Variants in PTPRR observed in about 807,000 individuals in gnomAD.
The protein encoded by PTPRR is protein tyrosine phosphatase receptor type R.
PTPRR carries 38 observed loss-of-function variants against 77.2 expected under a neutral mutation model. That is an observed-to-expected ratio of 0.49 (90% confidence interval 0.38 to 0.65). The LOEUF (loss-of-function observed/expected upper bound fraction) is 0.65, where lower values mean the gene tolerates loss of function less well. Ranked by LOEUF, PTPRR falls within the 30% of genes least tolerant of loss-of-function variation. PTPRR has a pLI of 0.00. For missense variants in PTPRR, 744 were observed against 799.2 expected (o/e 0.93, Z 0.83); for synonymous variants, 299 against 283.1 (o/e 1.06, Z -0.57).
chr12:70,850,083 T>G (rs1892546796), intron 2 of PTPRR, among the ~76,000 whole-genome samples: 1 of 152,162 alleles, frequency 6.6e-6, no homozygotes, highest in Non-Finnish European at 1.5e-5. Flanking sequence ...ATTTTCTGGC[T>G]GGGCATGGTG....
chr12:70,665,364 CTTTTTTTTTTTTTTTTTTTTTT>C (rs72472808), intron 10 of PTPRR, among the ~76,000 whole-genome samples: 4 of 44,560 alleles, frequency 9.0e-5, no homozygotes, highest in South Asian at 1.3e-3. Context: ...AATGCAAATT[CTTTTTTTTTTTTTTTTTTTTTT>C]TTTTTTTTTT....
At chr12:70,847,775 A>T (rs1892508984) in intron 2 of PTPRR, among the ~76,000 whole-genome samples, 1 of 152,202 alleles carries the variant, frequency 6.6e-6, no homozygotes, top group South Asian at 2.1e-4. Context: ...CCAGATGGAC[A>T]CTTAGAGGTT....
At chr12:70,709,747 C>T (rs746228972) in intron 6 of PTPRR, among the ~76,000 whole-genome samples, 6 of 152,014 alleles carry the variant, frequency 3.9e-5, no homozygotes, top group Non-Finnish European at 8.8e-5. Context: ...ACAATTGCCC[C>T]AAAAGGATAA....
intron 10 of PTPRR, among the ~76,000 whole-genome samples, chr12:70,665,218 G>GA (rs1024617286): frequency 2.0e-5 from 3 of 151,868 alleles, no homozygotes; most frequent in African/African-American, 7.3e-5. Context: ...TAATTTGGAA[G>GA]AAAAAAATAG....
At chr12:70,811,328 G>GA (rs1891804622) in intron 2 of PTPRR, among the ~76,000 whole-genome samples, 1 of 152,132 alleles carries the variant, frequency 6.6e-6, no homozygotes, top group African/African-American at 2.4e-5. Flanking sequence ...TCCCAAATGT[G>GA]AAATTCTTTG....
At chr12:70,684,661 A>G (rs1209831326) in intron 9 of PTPRR, 43 bp downstream of exon 9, 1 of 1,327,820 alleles carries the variant, frequency 7.5e-7, no homozygotes, top group African/African-American at 1.5e-5. Context: ...CAACAATTCC[A>G]AATAGGAAGT....
intron 2 of PTPRR, among the ~76,000 whole-genome samples, chr12:70,836,715 C>T (rs186288565): frequency 6.6e-6 from 1 of 151,874 alleles, no homozygotes; most frequent in East Asian, 2.0e-4. Flanking sequence ...CACTCCCACT[C>T]CCACTCTTTG....
chr12:70,780,969 A>G lies in PTPRR; in HGVS notation c.358-16191T>C, dbSNP rs546474598. ...GTAAGCCCAAAGGCATTGTCCCTGCAGGAGAGTGCTGTGGTTTACCATTGC... is the reference window on the plus strand; with the variant it reads ...GTAAGCCCAAAGGCATTGTCCCTGCGGGAGAGTGCTGTGGTTTACCATTGC... On this transcript the variant is annotated intron_variant, in intron 2 of 13. Transcript: ENST00000283228. Among the ~76,000 whole-genome samples, 12 of 152,378 alleles carry G rather than the reference A, an allele frequency of 7.9e-5. No individual in the cohort carries two copies. In the East Asian group the frequency reaches 2.1e-3, roughly 27 times the overall value.
chr12:70,807,262 G>T (rs1891726853), intron 2 of PTPRR, among the ~76,000 whole-genome samples: 1 of 152,202 alleles, frequency 6.6e-6, no homozygotes, highest in African/African-American at 2.4e-5. Context: ...CTCATGTGTA[G>T]ACTTCTTATA....
intron 2 of PTPRR, among the ~76,000 whole-genome samples, chr12:70,808,191 A>T (rs979763951): frequency 7.9e-5 from 12 of 152,122 alleles, no homozygotes; most frequent in Non-Finnish European, 2.9e-5. Flanking sequence ...TGCTAGGATT[A>T]GGAAATTCCA....
At position 70,706,423 on chromosome 12, in the gene PTPRR, G is replaced by T. The variant is rs563128724; in HGVS notation, c.1008-5100C>A. 5.5e-4 allele frequency among the ~76,000 whole-genome samples: 84 copies of T among 152,088 alleles called. 1 individual carries two copies. The highest frequency in any genetic ancestry group is 2.0e-3 in the African/African-American group (82 of 41,530). ...TTCCCAAAGGAAATCCTGAAGGGAAGAAATAATAATAAATATAAAAGATGC... is the reference window on the plus strand; with the variant it reads ...TTCCCAAAGGAAATCCTGAAGGGAATAAATAATAATAAATATAAAAGATGC... On this transcript the variant is annotated intron_variant, in intron 6 of 13. Coordinates refer to ENST00000283228, the MANE Select transcript of PTPRR (RefSeq NM_002849.4).
chr12:70,664,667 T>G (rs948603771), intron 10 of PTPRR: 2 of 152,196 alleles, frequency 1.3e-5, no homozygotes, highest in African/African-American at 4.8e-5. Flanking sequence ...ATGGAAATGC[T>G]GCTCGCTTCT....
chr12:70,882,489 A>G (rs529233023), intron 2 of PTPRR, among the ~76,000 whole-genome samples: 43 of 152,334 alleles, frequency 2.8e-4, no homozygotes, highest in African/African-American at 1.0e-3. Context: ...AGAAAAGTGA[A>G]AAACAAGAAA....
intron 2 of PTPRR, among the ~76,000 whole-genome samples, chr12:70,819,479 A>G (rs1180358642): frequency 6.6e-6 from 1 of 152,224 alleles, no homozygotes; most frequent in Admixed American, 6.5e-5. Context: ...GGCTGCTGGA[A>G]GATTCCATCT....
chr12:70,848,083 T>A (rs1234725563), intron 2 of PTPRR, among the ~76,000 whole-genome samples: 1 of 152,258 alleles, frequency 6.6e-6, no homozygotes, highest in East Asian at 1.9e-4. Context: ...GAGATTCCCA[T>A]CCACTCATAT....
At chr12:70,646,242 A>T (rs141833954) in intron 13 of PTPRR, among the ~76,000 whole-genome samples, 1 of 152,172 alleles carries the variant, frequency 6.6e-6, no homozygotes, top group East Asian at 1.9e-4. Context: ...GGTCAGCTGT[A>T]AGGTGTGTCT....
At chr12:70,910,953 A>G (rs1315033341) in intron 1 of PTPRR, among the ~76,000 whole-genome samples, 10 of 152,188 alleles carry the variant, frequency 6.6e-5, no homozygotes, top group Admixed American at 5.9e-4. Context: ...CTTGTGAACT[A>G]TGGGTCTCCA....
intron 5 of PTPRR, among the ~76,000 whole-genome samples, chr12:70,746,964 T>C (rs752985965): frequency 5.3e-5 from 8 of 152,032 alleles, no homozygotes; most frequent in Non-Finnish European, 1.0e-4. Flanking sequence ...AGCTTAAATT[T>C]TGAAAAAAGG....
chr12:70,780,671 TACC>T (rs1360956560), intron 2 of PTPRR, among the ~76,000 whole-genome samples: 1 of 152,218 alleles, frequency 6.6e-6, no homozygotes, highest in African/African-American at 2.4e-5. Context: ...ATGCTATAAC[TACC>T]ACATTTCTAT....
Sources: allele counts gnomAD v4.1 joint callset (sites outside exome capture counted in the v4.1 genomes callset), GRCh38; gene constraint gnomAD v4.1.1; transcripts MANE v1.5; gene names NCBI Gene and HGNC (gene_info 2026-07-23, HGNC 2026-07-21).